Variants in NELL1 observed in about 807,000 individuals in gnomAD.
NELL1 encodes neural EGFL like 1.
A neutral mutation model predicts 107.4 loss-of-function variants in NELL1; 76 were observed. The ratio of observed to expected loss-of-function variants is 0.71; its 90% CI spans 0.59 to 0.86. NELL1 has a LOEUF of 0.86. Ranked by LOEUF, NELL1 falls within the 40% of genes least tolerant of loss-of-function variation. The pLI, the probability that NELL1 is intolerant of heterozygous loss-of-function variation, is 0.00. For missense variants in NELL1, 1,024 were observed against 1,005.5 expected (o/e 1.02, Z -0.25); for synonymous variants, 353 against 341.2 (o/e 1.03, Z -0.38).
chr11:20,946,863 C>T (rs1850972735), intron 10 of NELL1, among the ~76,000 whole-genome samples: 1 of 152,184 alleles, frequency 6.6e-6, no homozygotes, highest in African/African-American at 2.4e-5. Flanking sequence ...TGCTGTCTAT[C>T]ACTGGGTTCA....
chr11:21,369,385 A>G (rs921583425), intron 14 of NELL1, among the ~76,000 whole-genome samples: 2 of 106,320 alleles, frequency 1.9e-5, no homozygotes, highest in Non-Finnish European at 3.7e-5. Flanking sequence ...TTTTTTTTGC[A>G]TAGGCGAAGT....
intron 15 of NELL1, among the ~76,000 whole-genome samples, chr11:21,427,614 ATCC>A (rs1852857220): frequency 6.6e-6 from 1 of 152,178 alleles, no homozygotes; most frequent in African/African-American, 2.4e-5. Flanking sequence ...CAAACCTGTA[ATCC>A]TCCAACACTT....
At chr11:21,425,645 C>T (rs1236361320) in intron 15 of NELL1, among the ~76,000 whole-genome samples, 2 of 152,018 alleles carry the variant, frequency 1.3e-5, no homozygotes, top group Non-Finnish European at 2.9e-5. Context: ...CTATAGAGCC[C>T]CGAGAAGTAT....
chr11:21,259,106 G>A (rs1182561097), intron 14 of NELL1, among the ~76,000 whole-genome samples: 2 of 151,872 alleles, frequency 1.3e-5, no homozygotes, highest in Non-Finnish European at 1.5e-5. Context: ...GAGGGGGGCA[G>A]TGCAAAAATG....
At chr11:20,895,504 C>CA (rs772119566) in intron 5 of NELL1, among the ~76,000 whole-genome samples, 1 of 100,024 alleles carries the variant, frequency 1.0e-5, no homozygotes, top group Non-Finnish European at 1.9e-5. Context: ...TGATATTTGC[C>CA]TTTTTTTTTT....
rs191416258 is a variant in NELL1 at position 21,102,858 on chromosome 11, T to C, written c.1301-10731T>C. ...TTTTTGTCTCAACAATCACATTGCA[T>C]AGGAGTCTGGACTTAGTGATTTTTT... On this transcript the variant is annotated intron_variant, in intron 12 of 19. Coordinates refer to ENST00000357134, the MANE Select transcript of NELL1 (RefSeq NM_006157.5). Among the ~76,000 whole-genome samples the C allele has an allele frequency of 7.9e-5, 12 of 152,326 alleles. No individual in the cohort carries two copies. In the East Asian group the frequency reaches 1.9e-3, roughly 24 times the overall value.
chr11:21,504,668 C>T (rs1482852087), intron 15 of NELL1, among the ~76,000 whole-genome samples: 1 of 152,086 alleles, frequency 6.6e-6, no homozygotes, highest in Non-Finnish European at 1.5e-5. Flanking sequence ...TGGTAATTTT[C>T]CTGCTTTTCC....
At chr11:21,158,668 T>C (rs1263234997) in intron 13 of NELL1, among the ~76,000 whole-genome samples, 1 of 152,182 alleles carries the variant, frequency 6.6e-6, no homozygotes, top group Non-Finnish European at 1.5e-5. Flanking sequence ...TGGGAAATAA[T>C]TTTTCAGCCT....
chr11:20,921,300 A>G (rs1850371576), intron 7 of NELL1, among the ~76,000 whole-genome samples: 1 of 152,162 alleles, frequency 6.6e-6, no homozygotes, highest in Admixed American at 6.6e-5. Flanking sequence ...TTTACTATGT[A>G]TTAGTTAAAA....
At chr11:21,316,553 GGCTTCA>G (rs1398641322) in intron 14 of NELL1, among the ~76,000 whole-genome samples, 1 of 152,058 alleles carries the variant, frequency 6.6e-6, no homozygotes, top group Non-Finnish European at 1.5e-5. Context: ...ATCTCAAACT[GGCTTCA>G]TCTAGTCTCA....
At chr11:21,334,162 AG>A (rs1203681529) in intron 14 of NELL1, among the ~76,000 whole-genome samples, 1 of 152,084 alleles carries the variant, frequency 6.6e-6, no homozygotes, top group Non-Finnish European at 1.5e-5. Context: ...CGTGTGTAGA[AG>A]AATAGACAAA....
At chr11:21,543,053 G>T (rs969633114) in intron 16 of NELL1, among the ~76,000 whole-genome samples, 1 of 151,928 alleles carries the variant, frequency 6.6e-6, no homozygotes, top group South Asian at 2.1e-4. Flanking sequence ...CACCTTAGTG[G>T]ACCAGGGTAT....
intron 15 of NELL1, among the ~76,000 whole-genome samples, chr11:21,371,882 C>T (rs1851365177): frequency 2.0e-5 from 3 of 151,956 alleles, no homozygotes; most frequent in Admixed American, 2.0e-4. Flanking sequence ...TGTTTAGAAG[C>T]TTCTGAATTT....
rs188838128 is a variant in NELL1 at position 21,223,256 on chromosome 11, A to T, written c.1427-6076A>T. 2.0e-5 allele frequency among the ~76,000 whole-genome samples: 3 copies of T among 152,142 alleles called. No individual in the cohort carries two copies. The East Asian group carries it at 5.8e-4, about 29-fold the overall frequency. ...ATTTGGGTCCTCCAGTGCTGGATGC[A>T]TGTGTATTTACAATTGTTATATATA... On this transcript the variant is annotated intron_variant, in intron 13 of 19. Transcript: ENST00000357134.
At chr11:21,115,510 A>T (rs571459043) in intron 13 of NELL1, among the ~76,000 whole-genome samples, 1 of 152,090 alleles carries the variant, frequency 6.6e-6, no homozygotes, top group South Asian at 2.1e-4. Flanking sequence ...GCTGGTGAAA[A>T]CCACCCAATA....
In NELL1 at chr11:20,714,971, C is replaced by T. The variant is rs182684116; in HGVS notation, c.184+36911C>T. On this transcript the variant is annotated intron_variant, in intron 2 of 19. Coordinates refer to ENST00000357134, the MANE Select transcript of NELL1 (RefSeq NM_006157.5). Reference sequence around the variant, plus strand: ...TATATTTGAAATTATAGGACGGGAGCGGTGGCTCACGCCTGTAATCCCAGT... The same window carrying T: ...TATATTTGAAATTATAGGACGGGAGTGGTGGCTCACGCCTGTAATCCCAGT... 1.1e-3 allele frequency among the ~76,000 whole-genome samples: 168 copies of T among 152,086 alleles called. 1 individual carries two copies. Among genetic ancestry groups the T allele is most frequent in the East Asian group, 4.7e-3 (24 of 5,156 alleles).
chr11:21,110,441 A>T (rs375775495), intron 12 of NELL1, among the ~76,000 whole-genome samples: 1 of 152,134 alleles, frequency 6.6e-6, no homozygotes, highest in African/African-American at 2.4e-5. Flanking sequence ...AATCTTATGA[A>T]ACAAAGAAAT....
chr11:21,348,489 A>G lies in NELL1; in HGVS notation c.1550-22364A>G, dbSNP rs1272571307. On this transcript the variant is annotated intron_variant, in intron 14 of 19. Transcript: ENST00000357134. Reference sequence around the variant, plus strand: ...AATAAAATGTGTCTGGTGCTTTACCATTCATGAGCTATATAAATTTGATAA... The same window carrying G: ...AATAAAATGTGTCTGGTGCTTTACCGTTCATGAGCTATATAAATTTGATAA... Among the ~76,000 whole-genome samples the G allele has an allele frequency of 3.9e-5, 6 of 152,304 alleles. No individual in the cohort carries two copies. The East Asian group carries it at 1.2e-3, about 29-fold the overall frequency.
intron 2 of NELL1, among the ~76,000 whole-genome samples, chr11:20,751,643 A>C (rs1856141510): frequency 1.5e-5 from 1 of 67,966 alleles, no homozygotes; most frequent in African/African-American, 4.1e-5. Flanking sequence ...TGCCTGGCTA[A>C]GTTAAAAAAA....
Sources: allele counts gnomAD v4.1 joint callset (sites outside exome capture counted in the v4.1 genomes callset), GRCh38; gene constraint gnomAD v4.1.1; transcripts MANE v1.5; gene names NCBI Gene and HGNC (gene_info 2026-07-23, HGNC 2026-07-21).